Variants in TLK2 observed in about 807,000 individuals in gnomAD.
The protein encoded by TLK2 is serine/threonine-protein kinase tousled-like 2.
TLK2 carries 6 observed loss-of-function variants against 117.3 expected under a neutral mutation model. The ratio of observed to expected loss-of-function variants is 0.05; its 90% confidence interval spans 0.03 to 0.10. TLK2 has a LOEUF of 0.10. Ranked by LOEUF, TLK2 falls within the 10% of genes least tolerant of loss-of-function variation. TLK2 has a pLI of 1.00. For synonymous variants in TLK2, 257 were observed against 316.7 expected (o/e 0.81, Z 2.00); for missense variants, 299 against 901.2 (o/e 0.33, Z 8.56).
chr17:62,517,941 G>A (rs1469701394), intron 2 of TLK2, among the ~76,000 whole-genome samples: 2 of 152,032 alleles, frequency 1.3e-5, no homozygotes, highest in African/African-American at 4.8e-5. Context: ...CAGGTGATCC[G>A]CCTGTCTCGA....
chr17:62,483,676 T>C (rs1194105660), intron 2 of TLK2, among the ~76,000 whole-genome samples: 1 of 152,164 alleles, frequency 6.6e-6, no homozygotes, highest in Non-Finnish European at 1.5e-5. Context: ...TTAATTTTTG[T>C]ATTTTTAGTA....
At chr17:62,553,228 A>T (rs962962350) in intron 8 of TLK2, among the ~76,000 whole-genome samples, 1 of 152,118 alleles carries the variant, frequency 6.6e-6, no homozygotes, top group Non-Finnish European at 1.5e-5. Context: ...TGTACAGTTC[A>T]GTTAGATAGT....
chr17:62,504,509 GATTA>G (rs541827797), intron 2 of TLK2, among the ~76,000 whole-genome samples: 1 of 152,130 alleles, frequency 6.6e-6, no homozygotes, highest in South Asian at 2.1e-4. Flanking sequence ...AAGTAAATGA[GATTA>G]ATTTTTTAGG....
rs200732176 is a variant in TLK2, at chr17:62,547,336, AT to A, written c.532-4952del. 1.8e-3 allele frequency among the ~76,000 whole-genome samples: 244 copies of A among 137,502 alleles called. 1 individual carries two copies. The highest frequency in any genetic ancestry group is 9.4e-3 in the East Asian group (44 of 4,696). The allele number at this position is 137,502 out of a possible 152,430, so 90.2% of individuals were successfully genotyped here. ...TTAGAGTGATTAGGTGTTGGCATGG[AT>A]TTTTTTTTTTTTTCTTTTTGGTAAC... is the stretch of plus-strand genomic sequence containing the variant. On this transcript the variant is annotated intron_variant, in intron 7 of 21. Coordinates refer to ENST00000346027, the MANE Select transcript of TLK2 (RefSeq NM_006852.6).
At chr17:62,555,737 A>G (rs537220362) in intron 9 of TLK2, among the ~76,000 whole-genome samples, 45 of 151,970 alleles carry the variant, frequency 3.0e-4, no homozygotes, top group Non-Finnish European at 5.3e-4. Context: ...TCGGCCTCCC[A>G]AAGTGCTGGG....
intron 10 of TLK2, among the ~76,000 whole-genome samples, chr17:62,563,684 A>G (rs1567927860): frequency 6.6e-6 from 1 of 152,184 alleles, no homozygotes. Flanking sequence ...ATTACCAATT[A>G]ATATATTTAG....
At chr17:62,504,989 G>A (rs1018233804) in intron 2 of TLK2, among the ~76,000 whole-genome samples, 1 of 151,898 alleles carries the variant, frequency 6.6e-6, no homozygotes, top group African/African-American at 2.4e-5. Flanking sequence ...GACTACAGGC[G>A]TGCGCCACCA....
At chr17:62,548,176 C>A (rs2078091633) in intron 7 of TLK2, among the ~76,000 whole-genome samples, 1 of 150,024 alleles carries the variant, frequency 6.7e-6, no homozygotes, top group Admixed American at 6.7e-5. Context: ...CTTTGAACTT[C>A]CTAACTGCCT....
intron 17 of TLK2, among the ~76,000 whole-genome samples, chr17:62,597,994 T>G (rs1355061758): frequency 6.6e-6 from 1 of 152,208 alleles, no homozygotes; most frequent in Non-Finnish European, 1.5e-5. Flanking sequence ...CAGATATGGC[T>G]GTGCAGACAG....
intron 17 of TLK2, among the ~76,000 whole-genome samples, chr17:62,598,810 A>T (rs2082669765): frequency 6.6e-6 from 1 of 151,922 alleles, no homozygotes; most frequent in Non-Finnish European, 1.5e-5. Flanking sequence ...GGCTTGAGCC[A>T]CCGCGCCTGG....
chr17:62,601,833 A>G (rs1304160324), intron 18 of TLK2, among the ~76,000 whole-genome samples: 2 of 152,210 alleles, frequency 1.3e-5, no homozygotes, highest in African/African-American at 4.8e-5. Flanking sequence ...TGGCACATTA[A>G]GCAGGTGATT....
At chr17:62,486,980 AC>A (rs1483447521) in intron 2 of TLK2, among the ~76,000 whole-genome samples, 8 of 152,226 alleles carry the variant, frequency 5.3e-5, no homozygotes, top group Admixed American at 3.3e-4. Context: ...TATTTAATAC[AC>A]AATTGCATAA....
In TLK2 at chr17:62,520,847, A is replaced by G. The variant is rs2075990702; in HGVS notation, c.153+3A>G. 2 of 1,612,780 alleles carry G rather than the reference A, an allele frequency of 1.2e-6. No homozygotes were observed. The highest frequency in any genetic ancestry group is 8.5e-7 in the Non-Finnish European group (1 of 1,179,156). ...CCTTGAGTGATAAAGAAGTAGAGGTAAGAAGCTATGTTCATGGCAGGACTT... is the reference window on the plus strand; with the variant it reads ...CCTTGAGTGATAAAGAAGTAGAGGTGAGAAGCTATGTTCATGGCAGGACTT... On this transcript the variant is annotated splice_donor_region_variant and intron_variant, in intron 3 of 21. Coordinates refer to ENST00000346027, the MANE Select transcript of TLK2 (RefSeq NM_006852.6).
At position 62,603,020 on chromosome 17, in the gene TLK2, G is replaced by A. The variant is rs543724990; in HGVS notation, c.1859+840G>A. ...TCTCTTCCTGGCTTAATGGGATGAG[G>A]GATTTGCTTCAAGAGTTGCAAGAGA... On this transcript the variant is annotated intron_variant, in intron 19 of 21. Coordinates refer to ENST00000346027, the MANE Select transcript of TLK2 (RefSeq NM_006852.6). 5.3e-5 allele frequency among the ~76,000 whole-genome samples: 8 copies of A among 152,206 alleles called. No individual in the cohort carries two copies. In the South Asian group the frequency reaches 1.7e-3, roughly 32 times the overall value.
At chr17:62,487,402 C>G (rs2072536035) in intron 2 of TLK2, among the ~76,000 whole-genome samples, 1 of 151,324 alleles carries the variant, frequency 6.6e-6, no homozygotes, top group Non-Finnish European at 1.5e-5. Flanking sequence ...GCCTGTAGTC[C>G]CAGCTGCTCA....
intron 9 of TLK2, among the ~76,000 whole-genome samples, chr17:62,554,013 T>G (rs1179432025): frequency 2.0e-5 from 3 of 152,222 alleles, no homozygotes; most frequent in African/African-American, 7.2e-5. Context: ...TGGAGTGTTA[T>G]ATTTCATCTA....
intron 2 of TLK2, among the ~76,000 whole-genome samples, chr17:62,489,166 T>C (rs1380488446): frequency 7.6e-6 from 1 of 132,402 alleles, no homozygotes; most frequent in Admixed American, 8.8e-5. Context: ...GTTCTGTATT[T>C]AATTGTACGT....
intron 16 of TLK2, among the ~76,000 whole-genome samples, chr17:62,591,246 TAAAAA>T (rs1177087849): frequency 1.3e-5 from 2 of 151,626 alleles, no homozygotes; most frequent in Non-Finnish European, 2.9e-5. Flanking sequence ...AAGACTGTCT[TAAAAA>T]AAGAAAAGAG....
chr17:62,485,816 GTTTTT>G (rs879159414), intron 2 of TLK2, among the ~76,000 whole-genome samples: 5 of 122,562 alleles, frequency 4.1e-5, no homozygotes, highest in South Asian at 5.8e-4. Flanking sequence ...TAATTTTCTG[GTTTTT>G]TTTTTTTTTT....
Sources: gnomAD v4.1 joint callset for allele counts (sites outside exome capture counted in the v4.1 genomes callset) on GRCh38, gnomAD v4.1.1 for gene constraint, MANE v1.5 for transcripts, NCBI Gene and HGNC (gene_info 2026-07-23, HGNC 2026-07-21) for gene names.